Variants in FRMD1 observed in about 807,000 individuals in gnomAD.
FRMD1 encodes the protein FERM domain-containing protein 1.
Under a neutral mutation model 54.9 loss-of-function variants are expected in FRMD1, and 51 were observed. The observed-to-expected ratio is 0.93, with a 90% CI of 0.74 to 1.17. The LOEUF is 1.17. FRMD1 is among the 50% of genes most tolerant of loss of function. FRMD1 has a pLI of 0.00. For missense variants in FRMD1, 729 were observed against 743.0 expected, an observed-to-expected ratio of 0.98 and a Z score of 0.22; for synonymous variants, 324 against 306.4, an observed-to-expected ratio of 1.06 and a Z score of -0.60.
At position 168,060,878 on chromosome 6, in the gene FRMD1, C is replaced by G. The variant is rs1252202631; in HGVS notation, c.1225G>C (p.Glu409Gln). 1 of 1,613,852 alleles carries G rather than the reference C, an allele frequency of 6.2e-7. No homozygotes were observed. Among genetic ancestry groups the G allele is most frequent in the Non-Finnish European group, 8.5e-7 (1 of 1,180,040 alleles). The part of the protein sequence containing the change: ...SGIKANSWLR[E>Q]SREMSVDVPL... ...ACGTCCACAGACATCTCTCTGGATT[C>G]CCTGAGCCAGGAGTTGGCCTTGATG... The change falls in exon 9 of 11, where the codon GAA (glutamate) becomes CAA (glutamine). Residue 409 changes from glutamate (E) to glutamine (Q), a missense_variant. Coordinates refer to ENST00000283309, the MANE Select transcript of FRMD1 (RefSeq NM_024919.6).
chr6:168,063,294 C>G (rs1442334547), intron 6 of FRMD1, among the ~76,000 whole-genome samples: 1 of 150,520 alleles, frequency 6.6e-6, no homozygotes, highest in Non-Finnish European at 1.5e-5. Context: ...GCCACGGGGG[C>G]TCCATCCATC....
At chr6:168,084,133 G>A (rs1391215614), upstream of FRMD1, among the ~76,000 whole-genome samples, 1 of 152,106 alleles carries the variant, frequency 6.6e-6, no homozygotes. Flanking sequence ...CGGCAGGTGG[G>A]GTGAAGGAGA....
intron 6 of FRMD1, 88 bp from the exon 7 acceptor site, chr6:168,063,047 C>A (rs533507283): frequency 1.1e-5 from 12 of 1,121,100 alleles, no homozygotes; most frequent in Non-Finnish European, 1.5e-5. Context: ...GGCTAGGGGC[C>A]GAGGGCTCCA....
At chr6:168,062,611 C>G in intron 7 of FRMD1, 1 of 1,484,420 alleles carries the variant, frequency 6.7e-7, no homozygotes, top group African/African-American at 1.4e-5. Context: ...GAAAATGCCC[C>G]GAGGATGAAG....
At chr6:168,089,247 C>A (rs1800974762) in intron 1 of FRMD1, among the ~76,000 whole-genome samples, 1 of 152,208 alleles carries the variant, frequency 6.6e-6, no homozygotes, top group Admixed American at 6.5e-5. Flanking sequence ...ATAGGGAGAT[C>A]CTTCTGCTGC....
intron 2 of FRMD1, 49 bp downstream of exon 2, chr6:168,075,196 A>G (rs200708445): frequency 1.4e-5 from 22 of 1,526,526 alleles, no homozygotes; most frequent in Middle Eastern, 1.7e-4. Context: ...GACCTCCAGC[A>G]GATGCGGCCC....
At chr6:168,074,734 T>C (rs1288672688) in intron 2 of FRMD1, among the ~76,000 whole-genome samples, 3 of 140,506 alleles carry the variant, frequency 2.1e-5, no homozygotes, top group African/African-American at 5.4e-5. Flanking sequence ...ATGTGACTGG[T>C]GTGTAACTGT....
chr6:168,082,786 G>C (rs1800856550), upstream of FRMD1, among the ~76,000 whole-genome samples: 1 of 152,220 alleles, frequency 6.6e-6, no homozygotes, highest in South Asian at 2.1e-4. Flanking sequence ...ACTGAGGCTG[G>C]TATCTGGGAG....
upstream of FRMD1, chr6:168,079,288 T>A: frequency 1.9e-6 from 2 of 1,072,720 alleles, no homozygotes; most frequent in Non-Finnish European, 2.5e-6. Context: ...GCTGGGTGTG[T>A]GGAGGGCGCC....
intron 2 of FRMD1, among the ~76,000 whole-genome samples, chr6:168,074,179 C>A (rs375647296): frequency 5.3e-4 from 81 of 152,238 alleles, no homozygotes; most frequent in Middle Eastern, 6.8e-3. Context: ...CTCTTCCATG[C>A]GACACAATCC....
chr6:168,086,711 C>T (rs1562435508), intron 1 of FRMD1, among the ~76,000 whole-genome samples: 1 of 152,078 alleles, frequency 6.6e-6, no homozygotes, highest in African/African-American at 2.4e-5. Context: ...CTTGGGCCGT[C>T]GTCTGTCACC....
In FRMD1 at chr6:168,057,019, G is replaced by C. The variant is rs1230523074; in HGVS notation, c.*78C>G. On this transcript the variant is annotated 3_prime_UTR_variant, in exon 11 of 11. Transcript: ENST00000283309. ...GCAGGCAGCATCTGGCGGGCAGGAA[G>C]GGACGAGGGCCATGTGGAAGTGGGG... The C allele has an allele frequency of 1.4e-6, 2 of 1,403,924 alleles. No homozygotes were observed. Among genetic ancestry groups the C allele is most frequent in the Middle Eastern group, 2.2e-4 (1 of 4,622 alleles). The allele number at this position is 1,403,924 out of a possible 1,614,324, so 87.0% of individuals were successfully genotyped here. A position where few individuals can be genotyped will look rare whatever the true frequency, so the allele number is the denominator to read the frequency against.
At chr6:168,086,877 T>G (rs1800930672) in intron 1 of FRMD1, among the ~76,000 whole-genome samples, 1 of 152,252 alleles carries the variant, frequency 6.6e-6, no homozygotes, top group Non-Finnish European at 1.5e-5. Context: ...TGGGCACCTG[T>G]TAGCCAGGAC....
upstream of FRMD1, among the ~76,000 whole-genome samples, chr6:168,079,351 T>C (rs1160758464): frequency 4.6e-5 from 7 of 152,192 alleles, no homozygotes; most frequent in Admixed American, 3.9e-4. Context: ...AGCACTCCCA[T>C]GCAGGGTAGC....
rs761047750 is a variant in FRMD1 at position 168,059,100 on chromosome 6, T to G, written c.1407+24A>C. On this transcript the variant is annotated intron_variant, in intron 10 of 10. Transcript: ENST00000283309. This position sits in a 1 kb window ranked among gnomAD's most constrained non-coding sequence, Gnocchi z 4.4. ...GGGGTGGAGGAGCAGGGCCAGGGCT[T>G]CTGGCCCGTGGGGGGGACTCTACCT... 6.5e-7 allele frequency: 1 copy of G among 1,538,104 alleles called. No homozygotes were observed. Among genetic ancestry groups the G allele is most frequent in the African/African-American group, 1.4e-5 (1 of 73,976 alleles).
In FRMD1 at chr6:168,078,958, A is replaced by G. The variant is rs1384688820; in HGVS notation, c.137T>C (p.Met46Thr). 1.9e-6 allele frequency: 3 copies of G among 1,611,348 alleles called. No individual in the cohort carries two copies. The highest frequency in any genetic ancestry group is 1.7e-5 in the Admixed American group (1 of 59,996). ...ACSQQEPTLG[M>T]DAMASEHRDV... is the part of the protein sequence containing the mutation. The stretch of plus-strand genomic sequence containing the variant: ...CCTGTGTTCCGAGGCCATCGCGTCC[A>G]TTCCCAGGGTCGGCTCCTGCTGACT... Residue 46 changes from methionine to threonine, a missense_variant, in exon 1 of 11, where the codon ATG becomes ACG. Transcript: ENST00000283309.
rs535928048 is a variant in FRMD1 at position 168,057,451 on chromosome 6, C to G, written c.1408-112G>C. On this transcript the variant is annotated intron_variant, in intron 10 of 10. Coordinates refer to ENST00000283309, the MANE Select transcript of FRMD1 (RefSeq NM_024919.6). ...AGCCACACTCCCTGCCAATGCCCACCCTGCGCCGCAGTGCATGGCCGGCCT... is the reference window on the plus strand; with the variant it reads ...AGCCACACTCCCTGCCAATGCCCACGCTGCGCCGCAGTGCATGGCCGGCCT... 17 of 1,498,090 alleles carry G rather than the reference C, an allele frequency of 1.1e-5. No homozygotes were observed. The African/African-American group carries it at 1.5e-4, about 13-fold the overall frequency. 92.8% of individuals were successfully genotyped at this position (1,498,090 alleles called of 1,614,324 possible).
At chr6:168,071,969 G>A (rs970621212) in intron 2 of FRMD1, among the ~76,000 whole-genome samples, 1 of 152,234 alleles carries the variant, frequency 6.6e-6, no homozygotes, top group African/African-American at 2.4e-5. Context: ...CACGGCAAAT[G>A]CCCGTGAGCT....
Position 168,063,591 on chromosome 6 carries a change from T to G in FRMD1, c.804+10A>C. On this transcript the variant is annotated intron_variant, in intron 6 of 10. Transcript: ENST00000283309. ...GAGTCCAGCCCATCGCTGGCCGCCC[T>G]GGGCTCGACCTTGTGCAGCCTGAAG... 1 of 1,604,710 alleles carries G rather than the reference T, an allele frequency of 6.2e-7. No homozygotes were observed. The highest frequency in any genetic ancestry group is 8.5e-7 in the Non-Finnish European group (1 of 1,175,800).
Sources: allele counts gnomAD v4.1 joint callset (sites outside exome capture counted in the v4.1 genomes callset), GRCh38; gene constraint gnomAD v4.1.1; non-coding constraint Gnocchi (gnomAD v3.1); transcripts MANE v1.5; gene names NCBI Gene and HGNC (gene_info 2026-07-23, HGNC 2026-07-21).